The following ST6GALNAC3 variants were observed in gnomAD, a reference collection of about 807,000 sequenced individuals.
The protein encoded by ST6GALNAC3 is ST6 N-acetylgalactosaminide alpha-2,6-sialyltransferase 3, also known as alpha-N-acetylgalactosaminide alpha-2,6-sialyltransferase 3.
ST6GALNAC3 carries 25 observed loss-of-function variants against 32.7 expected under a neutral mutation model. The observed-to-expected ratio is 0.76, with a 90% CI of 0.56 to 1.07. The LOEUF (loss-of-function observed/expected upper bound fraction) is 1.07, where lower values mean the gene tolerates loss of function less well. Among genes scored for constraint, ST6GALNAC3 ranks in the 50% least tolerant of loss-of-function variants. The pLI, the probability that ST6GALNAC3 is intolerant of heterozygous loss-of-function variation, is 0.00. For missense variants in ST6GALNAC3, 355 were observed against 382.4 expected, an observed-to-expected ratio of 0.93 and a Z score of 0.60; for synonymous variants, 129 against 133.1, an observed-to-expected ratio of 0.97 and a Z score of 0.21.
At position 76,634,489 on chromosome 1, in the gene ST6GALNAC3, T is replaced by G. The variant is rs1649447329; in HGVS notation, c.*5683T>G. 1 of 152,138 alleles carries G rather than the reference T, an allele frequency of 6.6e-6. No individual in the cohort carries two copies. Among genetic ancestry groups the G allele is most frequent in the South Asian group, 2.1e-4 (1 of 4,830 alleles). 9.4% of individuals were successfully genotyped at this position (152,138 alleles called of 1,614,324 possible). A position where few individuals can be genotyped will look rare whatever the true frequency, so the allele number is the denominator to read the frequency against. On this transcript the variant is annotated 3_prime_UTR_variant, in exon 5 of 5. Transcript: ENST00000328299. Reference sequence around the variant, plus strand: ...TTTTAAAACCCATAATCTTCATCTATTTTTAGAAGAAAGTGTAAATGCACA... The same window carrying G: ...TTTTAAAACCCATAATCTTCATCTAGTTTTAGAAGAAAGTGTAAATGCACA...
chr1:76,399,401 G>A (rs1242070988), intron 2 of ST6GALNAC3, among the ~76,000 whole-genome samples: 1 of 152,148 alleles, frequency 6.6e-6, no homozygotes, highest in Admixed American at 6.5e-5. Flanking sequence ...AGGTTATTCA[G>A]TGTTTTTAAA....
chr1:76,614,447 C>T (rs1235691066), intron 3 of ST6GALNAC3, among the ~76,000 whole-genome samples: 7 of 152,068 alleles, frequency 4.6e-5, no homozygotes, highest in South Asian at 2.1e-4. Flanking sequence ...CAACCAGGTG[C>T]GGTGGCTCAC....
intron 3 of ST6GALNAC3, among the ~76,000 whole-genome samples, chr1:76,565,376 C>A (rs1665492603): frequency 6.6e-6 from 1 of 152,132 alleles, no homozygotes; most frequent in South Asian, 2.1e-4. Context: ...GCACAGTTGT[C>A]CCCCTCCCCC....
At chr1:76,291,243 A>G (rs12071138) in intron 1 of ST6GALNAC3, among the ~76,000 whole-genome samples, 54,132 of 152,124 alleles carry the variant, frequency 0.36, 10,080 homozygotes, top group Non-Finnish European at 0.41. Context: ...AGGGTTTCTT[A>G]ATTAAAATCC....
chr1:76,422,537 A>G lies in ST6GALNAC3; in HGVS notation c.623+10120A>G, dbSNP rs148207566. ...AAAATGTCTCATTCTTATTTGGATT[A>G]GTAGAACAGCGGTTCTCAAACGTGA... is the stretch of plus-strand genomic sequence containing the variant. On this transcript the variant is annotated intron_variant, in intron 3 of 4. Coordinates refer to ENST00000328299, the MANE Select transcript of ST6GALNAC3 (RefSeq NM_152996.4). Among the ~76,000 whole-genome samples, 379 of 152,146 alleles carry G rather than the reference A, an allele frequency of 2.5e-3. 1 individual carries two copies. The highest frequency in any genetic ancestry group is 8.8e-3 in the African/African-American group (366 of 41,558).
At chr1:76,447,980 C>T (rs1018199943) in intron 3 of ST6GALNAC3, among the ~76,000 whole-genome samples, 17 of 152,216 alleles carry the variant, frequency 1.1e-4, no homozygotes, top group African/African-American at 3.9e-4. Context: ...AGAGCACCAC[C>T]ATCCTCCAGA....
At chr1:76,545,766 C>G (rs1664258786) in intron 3 of ST6GALNAC3, among the ~76,000 whole-genome samples, 1 of 151,920 alleles carries the variant, frequency 6.6e-6, no homozygotes, top group Non-Finnish European at 1.5e-5. Flanking sequence ...AAGTGATTCT[C>G]CTGCCTCAGC....
At chr1:76,320,681 G>C (rs1646948750) in intron 2 of ST6GALNAC3, among the ~76,000 whole-genome samples, 1 of 152,056 alleles carries the variant, frequency 6.6e-6, no homozygotes, top group African/African-American at 2.4e-5. Context: ...ATTATGATCT[G>C]GGAATGTGAG....
At position 76,633,108 on chromosome 1, in the gene ST6GALNAC3, T is replaced by G. The variant is rs1467819912; in HGVS notation, c.*4302T>G. The G allele has an allele frequency of 6.6e-6, 1 of 152,184 alleles. No individual in the cohort carries two copies. Among genetic ancestry groups the G allele is most frequent in the African/African-American group, 2.4e-5 (1 of 41,466 alleles). The allele number at this position is 152,184 out of a possible 1,614,324, so 9.4% of individuals were successfully genotyped here. A position where few individuals can be genotyped will look rare whatever the true frequency, so the allele number is the denominator to read the frequency against. ...CAATTCAACTCCTACACCTTGGAGC[T>G]GAGGAAACAGACAGAGGTGAAGTGA... On this transcript the variant is annotated 3_prime_UTR_variant, in exon 5 of 5. Coordinates refer to ENST00000328299, the MANE Select transcript of ST6GALNAC3 (RefSeq NM_152996.4).
chr1:76,298,147 C>T (rs1036361833), intron 1 of ST6GALNAC3, among the ~76,000 whole-genome samples: 5 of 151,946 alleles, frequency 3.3e-5, no homozygotes, highest in South Asian at 2.1e-4. Context: ...TGTTAAGACA[C>T]TTGGACTTTA....
intron 3 of ST6GALNAC3, among the ~76,000 whole-genome samples, chr1:76,605,431 A>G (rs1647462694): frequency 6.6e-6 from 1 of 152,220 alleles, no homozygotes; most frequent in East Asian, 1.9e-4. Flanking sequence ...TGCAAAAGAA[A>G]CTATCATCAG....
chr1:76,398,910 A>T (rs890871026), intron 2 of ST6GALNAC3, among the ~76,000 whole-genome samples: 6 of 152,124 alleles, frequency 3.9e-5, no homozygotes, highest in African/African-American at 7.2e-5. Context: ...AATAACTCTT[A>T]ATTTCAGGTA....
rs557597367 is a variant in ST6GALNAC3 at position 76,540,320 on chromosome 1, C to T, written c.624-87132C>T. Among the ~76,000 whole-genome samples the T allele has an allele frequency of 1.1e-4, 17 of 152,114 alleles. No homozygotes were observed. In the South Asian group the frequency reaches 2.1e-3, roughly 19 times the overall value. On this transcript the variant is annotated intron_variant, in intron 3 of 4. Transcript: ENST00000328299. The stretch of plus-strand genomic sequence containing the variant: ...GAGTTGAACAATGAGAACATATGGA[C>T]ACAAAGAGGGGAACAACACACACTA...
At chr1:76,465,925 T>G in intron 3 of ST6GALNAC3, among the ~76,000 whole-genome samples, 1 of 152,148 alleles carries the variant, frequency 6.6e-6, no homozygotes, top group East Asian at 1.9e-4. Context: ...GAAAGTTGGC[T>G]GTTACCTGAC....
At chr1:76,108,966 C>A (rs1207464724) in intron 1 of ST6GALNAC3, among the ~76,000 whole-genome samples, 1 of 151,940 alleles carries the variant, frequency 6.6e-6, no homozygotes, top group African/African-American at 2.4e-5. Context: ...TGCCTTAGTT[C>A]ACAGCAGTAT....
Position 76,451,490 on chromosome 1 carries a change from A to G in ST6GALNAC3, c.623+39073A>G, listed in dbSNP as rs115850171. On this transcript the variant is annotated intron_variant, in intron 3 of 4. Coordinates refer to ENST00000328299, the MANE Select transcript of ST6GALNAC3 (RefSeq NM_152996.4). Reference sequence around the variant, plus strand: ...CCCAGGACACATGGGGATTATGGGCACTATAATTCAAGATAAGTTTTGGGT... The same window carrying G: ...CCCAGGACACATGGGGATTATGGGCGCTATAATTCAAGATAAGTTTTGGGT... Among the ~76,000 whole-genome samples the G allele has an allele frequency of 4.2e-3, 638 of 152,288 alleles. 5 individuals carry two copies. The highest frequency in any genetic ancestry group is 0.014 in the African/African-American group (582 of 41,554).
chr1:76,450,618 G>T lies in ST6GALNAC3; in HGVS notation c.623+38201G>T, dbSNP rs114863378. Among the ~76,000 whole-genome samples the T allele has an allele frequency of 2.1e-3, 317 of 152,272 alleles. 2 individuals are homozygous for T. Among genetic ancestry groups the T allele is most frequent in the Non-Finnish European group, 3.5e-3 (235 of 68,024 alleles). On this transcript the variant is annotated intron_variant, in intron 3 of 4. Coordinates refer to ENST00000328299, the MANE Select transcript of ST6GALNAC3 (RefSeq NM_152996.4). Reference sequence around the variant, plus strand: ...GCATTTACTTTGGGTTCTTGGTCATGAAGTCTGCCTAAGCCAATGTCTAGA... The same window carrying T: ...GCATTTACTTTGGGTTCTTGGTCATTAAGTCTGCCTAAGCCAATGTCTAGA...
chr1:76,407,633 G>A (rs1653925279), intron 2 of ST6GALNAC3, among the ~76,000 whole-genome samples: 2 of 151,832 alleles, frequency 1.3e-5, no homozygotes, highest in Admixed American at 1.3e-4. Context: ...TTTCAAAGAT[G>A]CTTTGAGTGC....
chr1:76,089,884 T>TA (rs57783447), intron 1 of ST6GALNAC3, among the ~76,000 whole-genome samples: 9,767 of 152,264 alleles, frequency 0.064, 338 homozygotes, highest in African/African-American at 0.091. Context: ...CTAATCATCT[T>TA]ACCTTATGTG....
Sources: gnomAD v4.1 joint callset for allele counts (sites outside exome capture counted in the v4.1 genomes callset) on GRCh38, gnomAD v4.1.1 for gene constraint, MANE v1.5 for transcripts, NCBI Gene and HGNC (gene_info 2026-07-23, HGNC 2026-07-21) for gene names.